The following RHBDL2 variants were observed in gnomAD, a reference collection of about 807,000 sequenced individuals.
The protein encoded by RHBDL2 is rhomboid-related protein 2.
In RHBDL2, 26 loss-of-function variants were observed where a neutral mutation model predicts 31.7. That is an observed-to-expected ratio of 0.82 (90% confidence interval 0.60 to 1.14). The LOEUF (loss-of-function observed/expected upper bound fraction) is 1.14. RHBDL2 is among the 50% of genes most tolerant of loss of function. RHBDL2 has a pLI of 0.00. For synonymous variants in RHBDL2, 123 were observed against 127.2 expected, an observed-to-expected ratio of 0.97 and a Z score of 0.22; for missense variants, 336 against 364.4, an observed-to-expected ratio of 0.92 and a Z score of 0.63.
In RHBDL2 at chr1:38,918,966, C is replaced by T. The variant is rs150433226; in HGVS notation, c.246+1G>A. ...CGGTGCCCACCCCGCTCCCCATTCA[C>T]CTCGGCCAGGCTGATGGAGATGATG... On this transcript the variant is annotated splice_donor_variant, in intron 2 of 7. Coordinates refer to ENST00000372990, the MANE Select transcript of RHBDL2 (RefSeq NM_017821.5). LOFTEE classifies it high-confidence loss of function. The T allele has an allele frequency of 1.4e-3, 2,299 of 1,610,868 alleles. 2 individuals carry two copies. Among genetic ancestry groups the T allele is most frequent in the Non-Finnish European group, 1.9e-3 (2,188 of 1,177,406 alleles).
intron 4 of RHBDL2, among the ~76,000 whole-genome samples, chr1:38,900,785 T>C (rs1642979149): frequency 6.6e-6 from 1 of 151,830 alleles, no homozygotes; most frequent in Non-Finnish European, 1.5e-5. Flanking sequence ...AAGTGGCTCA[T>C]GCCTGTAATC....
chr1:38,911,999 T>C (rs1178781294), intron 3 of RHBDL2, among the ~76,000 whole-genome samples: 2 of 151,604 alleles, frequency 1.3e-5, no homozygotes, highest in Non-Finnish European at 2.9e-5. Flanking sequence ...TAGACGGAGT[T>C]TTGCTCTTGT....
At chr1:38,933,726 A>ATTT (rs10579780) in intron 1 of RHBDL2, among the ~76,000 whole-genome samples, 4 of 135,344 alleles carry the variant, frequency 3.0e-5, no homozygotes, top group African/African-American at 1.1e-4. Flanking sequence ...GGTCTTCACA[A>ATTT]TTTTTTTTTT....
chr1:38,934,715 T>G (rs1174301180), intron 1 of RHBDL2, among the ~76,000 whole-genome samples: 2 of 150,480 alleles, frequency 1.3e-5, no homozygotes, highest in African/African-American at 2.4e-5. Context: ...CCCAGCATTT[T>G]GGGGGGCCGA....
At chr1:38,912,910 A>ATATATATATGTGTGTGTGTG (rs1399583863) in intron 3 of RHBDL2, among the ~76,000 whole-genome samples, 24 of 41,372 alleles carry the variant, frequency 5.8e-4, no homozygotes, top group African/African-American at 2.1e-3. Context: ...ATATATATAT[A>ATATATATATGTGTGTGTGTG]TGTGTGTGTG....
At chr1:38,909,503 G>T (rs1399509748) in intron 4 of RHBDL2, among the ~76,000 whole-genome samples, 1 of 151,974 alleles carries the variant, frequency 6.6e-6, no homozygotes, top group Non-Finnish European at 1.5e-5. Context: ...CAGCATTTTG[G>T]GAGGCCAAGG....
chr1:38,922,427 A>C (rs1570936692), intron 1 of RHBDL2, among the ~76,000 whole-genome samples: 1 of 65,536 alleles, frequency 1.5e-5, no homozygotes, highest in Admixed American at 1.8e-4. Flanking sequence ...ACACCACCAT[A>C]CCCAGCTATT....
At chr1:38,898,714 A>G (rs1642949007) in intron 4 of RHBDL2, among the ~76,000 whole-genome samples, 1 of 152,164 alleles carries the variant, frequency 6.6e-6, no homozygotes, top group African/African-American at 2.4e-5. Context: ...GTCCAGATAG[A>G]TCTGGACTGC....
chr1:38,914,538 G>A (rs935339794), intron 3 of RHBDL2, among the ~76,000 whole-genome samples: 8 of 151,684 alleles, frequency 5.3e-5, no homozygotes, highest in Non-Finnish European at 7.4e-5. Flanking sequence ...CACTGTGCCC[G>A]GCCATGAACT....
chr1:38,890,644 A>C (rs1037484922), intron 6 of RHBDL2, among the ~76,000 whole-genome samples: 6 of 152,064 alleles, frequency 3.9e-5, no homozygotes, highest in Non-Finnish European at 7.4e-5. Flanking sequence ...TATTCCAAGA[A>C]GCCAAACCAT....
chr1:38,894,447 A>G (rs959866970), intron 5 of RHBDL2, among the ~76,000 whole-genome samples: 2 of 151,262 alleles, frequency 1.3e-5, no homozygotes, highest in African/African-American at 2.4e-5. Context: ...CTCAGCCTCC[A>G]GAGTAGCTGG....
intron 1 of RHBDL2, chr1:38,929,258 A>G (rs1004344440): frequency 4.2e-6 from 2 of 476,290 alleles, no homozygotes; most frequent in African/African-American, 2.0e-5. Context: ...GTGGCAGGTC[A>G]CTACCCCTGG....
chr1:38,899,875 C>T (rs979198039), intron 4 of RHBDL2, among the ~76,000 whole-genome samples: 4 of 152,166 alleles, frequency 2.6e-5, no homozygotes, highest in Admixed American at 1.3e-4. Context: ...CCTCGCTGCC[C>T]TTCCTGGGGC....
intron 4 of RHBDL2, among the ~76,000 whole-genome samples, chr1:38,903,841 T>G (rs1643026236): frequency 6.6e-6 from 1 of 152,182 alleles, no homozygotes; most frequent in Non-Finnish European, 1.5e-5. Context: ...AACCAAGATA[T>G]GTGGTATTGG....
chr1:38,910,916 T>TTATAGGGTTGAGCA (rs1643131305), intron 4 of RHBDL2, among the ~76,000 whole-genome samples: 1 of 150,438 alleles, frequency 6.6e-6, no homozygotes, highest in Non-Finnish European at 1.5e-5. Context: ...GTAGCTGGGA[T>TTATAGGGTTGAGCA]TATAGGGGTG....
At chr1:38,899,349 TC>T (rs1642960630) in intron 4 of RHBDL2, among the ~76,000 whole-genome samples, 1 of 152,140 alleles carries the variant, frequency 6.6e-6, no homozygotes, top group Non-Finnish European at 1.5e-5. Flanking sequence ...CAGACCTTGG[TC>T]CCCTGCCCTC....
At chr1:38,889,265 T>C (rs1642825776) in intron 6 of RHBDL2, among the ~76,000 whole-genome samples, 1 of 152,120 alleles carries the variant, frequency 6.6e-6, no homozygotes. Flanking sequence ...GGTTAATTTT[T>C]GTATTTTTAG....
chr1:38,925,887 C>A, intron 1 of RHBDL2: 1 of 1,183,200 alleles, frequency 8.5e-7, no homozygotes. Context: ...GGCTCACTAA[C>A]AGGCAAAGCC....
chr1:38,939,016 A>G (rs973502488), intron 1 of RHBDL2, among the ~76,000 whole-genome samples: 15 of 152,234 alleles, frequency 9.9e-5, no homozygotes, highest in African/African-American at 3.4e-4. Flanking sequence ...GAACAGGATT[A>G]TAAAACTGAA....
Sources: gnomAD v4.1 joint callset for allele counts (sites outside exome capture counted in the v4.1 genomes callset) on GRCh38, gnomAD v4.1.1 for gene constraint, MANE v1.5 for transcripts, NCBI Gene and HGNC (gene_info 2026-07-23, HGNC 2026-07-21) for gene names.